ZFHX3: variants seen among roughly 807,000 people sequenced by gnomAD.
ZFHX3 encodes the protein zinc finger homeobox protein 3.
Under a neutral mutation model 279.1 loss-of-function variants are expected in ZFHX3, and 42 were observed. The observed-to-expected ratio is 0.15, with a 90% CI of 0.12 to 0.19. The LOEUF (loss-of-function observed/expected upper bound fraction) is 0.19. Among genes scored for constraint, ZFHX3 ranks in the 10% least tolerant of loss-of-function variants. The pLI, the probability that ZFHX3 is intolerant of heterozygous loss-of-function variation, is 1.00. For missense variants in ZFHX3, 4,981 were observed against 4,754.0 expected (o/e 1.05, Z -1.40); for synonymous variants, 2,293 against 1,957.8 (o/e 1.17, Z -4.52).
intron 1 of ZFHX3, among the ~76,000 whole-genome samples, chr16:73,691,897 G>T (rs1164687094): frequency 1.3e-5 from 2 of 152,220 alleles, no homozygotes; most frequent in East Asian, 3.8e-4. Flanking sequence ...CTATGCGAAA[G>T]ATCTGAAGAG....
chr16:73,316,668 T>C (rs996740585), intron 4 of ZFHX3, among the ~76,000 whole-genome samples: 8 of 152,206 alleles, frequency 5.3e-5, no homozygotes, highest in Admixed American at 5.2e-4. Flanking sequence ...TCTAGTACTT[T>C]GGTGACCTCA....
At chr16:73,083,951 T>C (rs1197015768) in intron 8 of ZFHX3, among the ~76,000 whole-genome samples, 1 of 152,164 alleles carries the variant, frequency 6.6e-6, no homozygotes, top group African/African-American at 2.4e-5. Context: ...AGGGCCATGG[T>C]TCTCAACTGG....
In ZFHX3 at chr16:72,902,805, C is replaced by T. The variant is rs145145633; in HGVS notation, c.3217-12843G>A. On this transcript the variant is annotated intron_variant, in intron 3 of 9. Transcript: ENST00000268489. Reference sequence around the variant, plus strand: ...GGGGGGCTGAGGAGCCTTTCATGGACGGGCCTTAGCACCAAACAGCCAGAG... The same window carrying T: ...GGGGGGCTGAGGAGCCTTTCATGGATGGGCCTTAGCACCAAACAGCCAGAG... Among the ~76,000 whole-genome samples, 519 of 152,214 alleles carry T rather than the reference C, an allele frequency of 3.4e-3. 2 individuals are homozygous for T. The highest frequency in any genetic ancestry group is 0.022 in the South Asian group (106 of 4,808).
intron 1 of ZFHX3, among the ~76,000 whole-genome samples, chr16:73,844,655 A>G (rs1029229466): frequency 1.3e-5 from 2 of 152,000 alleles, no homozygotes; most frequent in African/African-American, 4.8e-5. Context: ...GGATGGACAG[A>G]CTGACAGGAA....
chr16:73,307,970 C>T (rs1222657288), intron 4 of ZFHX3, among the ~76,000 whole-genome samples: 1 of 151,844 alleles, frequency 6.6e-6, no homozygotes, highest in Non-Finnish European at 1.5e-5. Flanking sequence ...AGCACTCACC[C>T]CCAAATTTGC....
chr16:72,987,254 T>C (rs768739033), intron 1 of ZFHX3, among the ~76,000 whole-genome samples: 1 of 152,172 alleles, frequency 6.6e-6, no homozygotes, highest in Non-Finnish European at 1.5e-5. Flanking sequence ...TCAACTCTCA[T>C]AGCAGCTAAG....
rs549409490 is a variant in ZFHX3 at position 73,078,376 on chromosome 16, G to C, written c.-533+14859C>G. Reference sequence around the variant, plus strand: ...GTGGCATCCTTGAAATGAAATTCAGGTATCTTGGGTACTTCTGGGTATCTC... The same window carrying C: ...GTGGCATCCTTGAAATGAAATTCAGCTATCTTGGGTACTTCTGGGTATCTC... On this transcript the variant is annotated intron_variant, in intron 8 of 17. Transcript: ENST00000641206. Among the ~76,000 whole-genome samples, 5 of 152,220 alleles carry C rather than the reference G, an allele frequency of 3.3e-5. No individual in the cohort carries two copies. In the South Asian group the frequency reaches 8.3e-4, roughly 25 times the overall value.
chr16:72,958,349 A>G lies in ZFHX3; in HGVS notation c.1797T>C (p.Asn599=). 2.5e-6 allele frequency: 4 copies of G among 1,614,022 alleles called. No homozygotes were observed. The highest frequency in any genetic ancestry group is 2.2e-5 in the East Asian group (1 of 44,848). Residue 599 remains asparagine (N), a synonymous_variant, in exon 2 of 10, where the codon AAT becomes AAC. Coordinates refer to ENST00000268489, the MANE Select transcript of ZFHX3 (RefSeq NM_006885.4). ...DFADESANKD[N]ATAPEPNEST... is the part of the protein sequence containing the mutation. ...TTTCATTTGGTTCTGGTGCTGTGGCATTGTCTTTATTGGCACTTTCGTCAG... is the reference window on the plus strand; with the variant it reads ...TTTCATTTGGTTCTGGTGCTGTGGCGTTGTCTTTATTGGCACTTTCGTCAG...
chr16:73,292,799 T>A (rs2014807462), intron 4 of ZFHX3, among the ~76,000 whole-genome samples: 2 of 152,112 alleles, frequency 1.3e-5, no homozygotes, highest in South Asian at 4.1e-4. Context: ...CAGGTAGGCT[T>A]GATTCCAAGA....
chr16:73,540,288 C>T (rs935683305), intron 2 of ZFHX3, among the ~76,000 whole-genome samples: 2 of 152,218 alleles, frequency 1.3e-5, no homozygotes, highest in African/African-American at 2.4e-5. Flanking sequence ...AAACAGAACA[C>T]TCCTGCTTTC....
chr16:73,174,101 G>A (rs890918543), intron 5 of ZFHX3, among the ~76,000 whole-genome samples: 1 of 152,164 alleles, frequency 6.6e-6, no homozygotes, highest in Non-Finnish European at 1.5e-5. Context: ...TTCACTGGAC[G>A]TGTTTCCCCC....
chr16:73,503,617 G>A (rs2019275611), intron 2 of ZFHX3, among the ~76,000 whole-genome samples: 1 of 152,116 alleles, frequency 6.6e-6, no homozygotes, highest in African/African-American at 2.4e-5. Context: ...TGATTTACCT[G>A]GAGGCATGAT....
intron 2 of ZFHX3, among the ~76,000 whole-genome samples, chr16:73,578,814 C>G (rs1482377625): frequency 6.6e-6 from 1 of 152,128 alleles, no homozygotes; most frequent in Non-Finnish European, 1.5e-5. Flanking sequence ...TTCAATAACT[C>G]TCTAGATTTT....
intron 5 of ZFHX3, among the ~76,000 whole-genome samples, chr16:72,817,668 C>T (rs998920974): frequency 2.0e-5 from 3 of 152,210 alleles, no homozygotes; most frequent in African/African-American, 7.2e-5. Flanking sequence ...CCTGGGCAGG[C>T]ATTAAGCTGT....
intron 5 of ZFHX3, among the ~76,000 whole-genome samples, chr16:73,252,329 A>G (rs2013534487): frequency 6.6e-6 from 1 of 152,206 alleles, no homozygotes; most frequent in African/African-American, 2.4e-5. Context: ...CAGGGCAGGC[A>G]TTGACGGCTG....
intron 1 of ZFHX3, among the ~76,000 whole-genome samples, chr16:73,881,808 G>A (rs183775337): frequency 2.6e-5 from 4 of 152,086 alleles, no homozygotes; most frequent in East Asian, 1.9e-4. Flanking sequence ...CCAAGAGTGT[G>A]TATCTAAAGG....
chr16:73,342,069 C>A (rs990727783), intron 3 of ZFHX3, among the ~76,000 whole-genome samples: 1 of 151,714 alleles, frequency 6.6e-6, no homozygotes, highest in African/African-American at 2.4e-5. Flanking sequence ...TTGTATGGTA[C>A]ATGAATTATA....
At chr16:73,405,753 T>C (rs747617467) in intron 3 of ZFHX3, among the ~76,000 whole-genome samples, 2 of 150,602 alleles carry the variant, frequency 1.3e-5, no homozygotes, top group Non-Finnish European at 2.9e-5. Context: ...TGGAATGCCA[T>C]GGGGATGCAT....
At chr16:72,908,479 A>G (rs1284747887) in intron 3 of ZFHX3, among the ~76,000 whole-genome samples, 1 of 152,246 alleles carries the variant, frequency 6.6e-6, no homozygotes, top group Non-Finnish European at 1.5e-5. Context: ...CTCCCCTGCC[A>G]TCTGATTTCA....
Sources: allele counts gnomAD v4.1 joint callset (sites outside exome capture counted in the v4.1 genomes callset), GRCh38; gene constraint gnomAD v4.1.1; transcripts MANE v1.5; gene names NCBI Gene and HGNC (gene_info 2026-07-23, HGNC 2026-07-21).